The following MTRF1 variants were observed in gnomAD, a reference collection of about 807,000 sequenced individuals.
The protein encoded by MTRF1 is mitochondrial translation release factor 1.
Under a neutral mutation model 62.9 loss-of-function variants are expected in MTRF1, and 51 were observed. The ratio of observed to expected loss-of-function variants is 0.81; its 90% confidence interval spans 0.65 to 1.02. MTRF1 has a LOEUF of 1.02. Among genes scored for constraint, MTRF1 ranks in the 50% least tolerant of loss-of-function variants. The pLI, the probability that MTRF1 is intolerant of heterozygous loss-of-function variation, is 0.00. For synonymous variants in MTRF1, 158 were observed against 181.9 expected (o/e 0.87, Z 1.06); for missense variants, 446 against 530.0 (o/e 0.84, Z 1.56).
At chr13:41,268,468 C>T (rs1054622681), upstream of MTRF1, among the ~76,000 whole-genome samples, 3 of 151,908 alleles carry the variant, frequency 2.0e-5, no homozygotes, top group East Asian at 3.9e-4. Flanking sequence ...ATTACTTGAA[C>T]CTGGGAGGTG....
chr13:41,247,217 G>A (rs2038384703), intron 5 of MTRF1, among the ~76,000 whole-genome samples: 1 of 152,222 alleles, frequency 6.6e-6, no homozygotes, highest in East Asian at 1.9e-4. Context: ...TCCTGGATCG[G>A]TGTGAAATCT....
At chr13:41,234,991 G>T (rs1404484024) in intron 6 of MTRF1, 2 of 152,064 alleles carry the variant, frequency 1.3e-5, no homozygotes, top group African/African-American at 4.8e-5. Flanking sequence ...TTTCTCTTTT[G>T]TAAAGTATAG....
At chr13:41,266,719 C>T (rs944110346), upstream of MTRF1, among the ~76,000 whole-genome samples, 2 of 151,906 alleles carry the variant, frequency 1.3e-5, no homozygotes, top group African/African-American at 2.4e-5. Context: ...TGATGCCGGG[C>T]GCAGTGGCTC....
chr13:41,263,248 A>C (rs1005253527), intron 1 of MTRF1: 1 of 1,287,110 alleles, frequency 7.8e-7, no homozygotes, highest in African/African-American at 1.5e-5. Flanking sequence ...ACAAAACAAG[A>C]TGTTTACTCT....
At chr13:41,305,941 C>T in the MTRF1 span, among the ~76,000 whole-genome samples, 1 of 152,172 alleles carries the variant, frequency 6.6e-6, no homozygotes, top group East Asian at 1.9e-4. Context: ...TGTTTATAAT[C>T]TGTCTCCTCC....
rs970864718 is a variant in MTRF1 at position 41,249,473 on chromosome 13, G to A, written c.697+3172C>T. 4.6e-5 allele frequency among the ~76,000 whole-genome samples: 7 copies of A among 151,982 alleles called. No individual in the cohort carries two copies. In the South Asian group the frequency reaches 6.2e-4, roughly 14 times the overall value. The stretch of plus-strand genomic sequence containing the variant: ...GGAGAATGGTGTGAACCTGGGAGGC[G>A]GAGCTTGCAGTGAGCTGATATCACG... On this transcript the variant is annotated intron_variant, in intron 5 of 9. Coordinates refer to ENST00000379480, the MANE Select transcript of MTRF1 (RefSeq NM_004294.4).
chr13:41,273,309 G>A, the MTRF1 span, among the ~76,000 whole-genome samples: 1 of 146,344 alleles, frequency 6.8e-6, no homozygotes, highest in Non-Finnish European at 1.5e-5. Context: ...CTGGGCTACA[G>A]AGCGAGACTC....
At chr13:41,290,654 A>G in the MTRF1 span, among the ~76,000 whole-genome samples, 4 of 151,014 alleles carry the variant, frequency 2.6e-5, no homozygotes, top group Admixed American at 6.6e-5. Flanking sequence ...CGGCCTCCCA[A>G]AGTGCTGGGA....
At chr13:41,269,185 G>GTTTTTTTTTTTTTTTTTTTTTTTTTTTT in the MTRF1 span, among the ~76,000 whole-genome samples, 6 of 96,462 alleles carry the variant, frequency 6.2e-5, no homozygotes, top group Non-Finnish European at 1.1e-4. Flanking sequence ...CTTTTACCTT[G>GTTTTTTTTTTTTTTTTTTTTTTTTTTTT]TTTTTTTTTT....
chr13:41,267,748 C>G (rs2040856938), upstream of MTRF1, among the ~76,000 whole-genome samples: 1 of 151,760 alleles, frequency 6.6e-6, no homozygotes, highest in African/African-American at 2.4e-5. Context: ...TGCCTCTGGT[C>G]CCAGCTACTT....
chr13:41,273,479 G>A, the MTRF1 span, among the ~76,000 whole-genome samples: 1 of 152,196 alleles, frequency 6.6e-6, no homozygotes, highest in Non-Finnish European at 1.5e-5. Flanking sequence ...AGCCTCAGGA[G>A]GTCCTGACAA....
At chr13:41,298,492 G>A in the MTRF1 span, among the ~76,000 whole-genome samples, 1 of 88,712 alleles carries the variant, frequency 1.1e-5, no homozygotes, top group Admixed American at 1.2e-4. Flanking sequence ...GAAGGGGATA[G>A]GATTTAGCAA....
At chr13:41,259,146 A>C (rs2040092434) in intron 2 of MTRF1, among the ~76,000 whole-genome samples, 1 of 152,202 alleles carries the variant, frequency 6.6e-6, no homozygotes, top group South Asian at 2.1e-4. Flanking sequence ...AGAAATATGA[A>C]CCCTCATACA....
At chr13:41,274,737 G>A in the MTRF1 span, among the ~76,000 whole-genome samples, 1 of 151,598 alleles carries the variant, frequency 6.6e-6, no homozygotes, top group African/African-American at 2.4e-5. Flanking sequence ...CTGTTTTCAA[G>A]TGATTCTTGT....
At chr13:41,266,057 C>A (rs1421323724), upstream of MTRF1, among the ~76,000 whole-genome samples, 1 of 152,090 alleles carries the variant, frequency 6.6e-6, no homozygotes, top group Non-Finnish European at 1.5e-5. Context: ...ACCATGTTGG[C>A]CAGATGGTCT....
chr13:41,259,272 T>C (rs1265546899), intron 2 of MTRF1, among the ~76,000 whole-genome samples: 2 of 152,090 alleles, frequency 1.3e-5, no homozygotes, highest in African/African-American at 2.4e-5. Context: ...ACAAAACAAC[T>C]TGTACACAAA....
chr13:41,308,980 G>T, the MTRF1 span, among the ~76,000 whole-genome samples: 1 of 152,106 alleles, frequency 6.6e-6, no homozygotes, highest in Non-Finnish European at 1.5e-5. Flanking sequence ...TGTGGTATTT[G>T]ATTTTCTGTT....
chr13:41,302,892 T>G, the MTRF1 span, among the ~76,000 whole-genome samples: 1 of 152,060 alleles, frequency 6.6e-6, no homozygotes, highest in African/African-American at 2.4e-5. Flanking sequence ...GATTATAAAA[T>G]TTTGAGGCAA....
Position 41,217,248 on chromosome 13 carries a change from T to C in MTRF1, c.1225-20A>G. 7.4e-7 allele frequency: 1 copy of C among 1,357,400 alleles called. No homozygotes were observed. The highest frequency in any genetic ancestry group is 1.0e-6 in the Non-Finnish European group (1 of 959,884). 84.1% of individuals were successfully genotyped at this position (1,357,400 alleles called of 1,614,324 possible). A position where few individuals can be genotyped will look rare whatever the true frequency, so the allele number is the denominator to read the frequency against. The stretch of plus-strand genomic sequence containing the variant: ...AAATTCCTGGTAAAAGAGAGAGCTA[T>C]TATGAAACCTAATGATTAGAAATAT... On this transcript the variant is annotated intron_variant, in intron 9 of 9. Transcript: ENST00000379480.
Sources: gnomAD v4.1 joint callset for allele counts (sites outside exome capture counted in the v4.1 genomes callset) on GRCh38, gnomAD v4.1.1 for gene constraint, MANE v1.5 for transcripts, NCBI Gene and HGNC (gene_info 2026-07-23, HGNC 2026-07-21) for gene names.